The following HIBCH variants were observed in gnomAD, a reference collection of about 807,000 sequenced individuals.
The protein encoded by HIBCH is 3-hydroxyisobutyryl-CoA hydrolase.
A neutral mutation model predicts 58.2 loss-of-function variants in HIBCH; 50 were observed. That is an observed-to-expected ratio of 0.86 (90% CI 0.68 to 1.09). The LOEUF is 1.09. Ranked by LOEUF, HIBCH falls within the 50% of genes least tolerant of loss-of-function variation. The pLI is 0.00. For synonymous variants in HIBCH, 151 were observed against 146.9 expected (o/e 1.03, Z -0.20); for missense variants, 450 against 449.7 (o/e 1.00, Z -0.01).
intron 6 of HIBCH, among the ~76,000 whole-genome samples, chr2:190,273,502 G>A (rs559072822): frequency 5.9e-5 from 9 of 152,054 alleles, no homozygotes; most frequent in Non-Finnish European, 1.2e-4. Flanking sequence ...GAGATCTACC[G>A]CTCTCTATCA....
intron 4 of HIBCH, among the ~76,000 whole-genome samples, chr2:190,291,899 T>C (rs1687966568): frequency 6.6e-6 from 1 of 152,258 alleles, no homozygotes; most frequent in Non-Finnish European, 1.5e-5. Flanking sequence ...AAACATTTCA[T>C]AGATATGTTT....
intron 2 of HIBCH, among the ~76,000 whole-genome samples, chr2:190,303,640 TA>T (rs2124842842): frequency 6.6e-6 from 1 of 152,306 alleles, no homozygotes; most frequent in East Asian, 1.9e-4. Flanking sequence ...CGCAGAATTC[TA>T]AATGACATAT....
chr2:190,192,934 A>G (rs530931729), intron 1 of HIBCH, among the ~76,000 whole-genome samples: 2 of 152,172 alleles, frequency 1.3e-5, no homozygotes, highest in Non-Finnish European at 2.9e-5. Context: ...AATTTTCTCT[A>G]TACAATTTTG....
intron 1 of HIBCH, among the ~76,000 whole-genome samples, chr2:190,195,940 G>GTTTT (rs1559000757): frequency 2.9e-5 from 1 of 34,358 alleles, no homozygotes; most frequent in Admixed American, 3.0e-4. Context: ...ACTGTGTCCA[G>GTTTT]CTTTTTTTTT....
intron 6 of HIBCH, among the ~76,000 whole-genome samples, chr2:190,265,122 CAAAAAAAAAAAA>C (rs1167140474): frequency 5.3e-4 from 30 of 56,280 alleles, no homozygotes; most frequent in Admixed American, 1.2e-3. Context: ...GACTCCGTCT[CAAAAAAAAAAAA>C]AAAAAAAAAA....
chr2:190,238,527 T>TG, intron 11 of HIBCH, among the ~76,000 whole-genome samples: 2 of 152,222 alleles, frequency 1.3e-5, no homozygotes, highest in South Asian at 4.2e-4. Flanking sequence ...GGCAGTAGGG[T>TG]GATCTTGGCT....
intron 1 of HIBCH, among the ~76,000 whole-genome samples, chr2:190,196,752 T>C (rs1229195324): frequency 6.6e-6 from 1 of 152,192 alleles, no homozygotes; most frequent in Non-Finnish European, 1.5e-5. Context: ...GAAGCTTTAT[T>C]GGATATAGCC....
downstream of HIBCH, chr2:190,202,830 T>A (rs1223458435): frequency 6.0e-6 from 1 of 167,074 alleles, no homozygotes; most frequent in Non-Finnish European, 1.5e-5. Flanking sequence ...TTACAATGAC[T>A]CACTTAACCC....
intron 6 of HIBCH, among the ~76,000 whole-genome samples, chr2:190,265,851 G>T (rs529740168): frequency 9.9e-5 from 15 of 152,148 alleles, no homozygotes; most frequent in African/African-American, 3.1e-4. Context: ...ATAGGGATGT[G>T]CTATTTTTCA....
In HIBCH at chr2:190,312,874, G is replaced by A. The variant is rs186778046; in HGVS notation, c.36-2078C>T. ...AGCACTTTGGGAGGCCAAGGCAGGCGGATCACCTGAGGTCAGGAGTTTCAG... is the reference window on the plus strand; with the variant it reads ...AGCACTTTGGGAGGCCAAGGCAGGCAGATCACCTGAGGTCAGGAGTTTCAG... On this transcript the variant is annotated intron_variant, in intron 1 of 13. Coordinates refer to ENST00000359678, the MANE Select transcript of HIBCH (RefSeq NM_014362.4). 1.3e-3 allele frequency among the ~76,000 whole-genome samples: 198 copies of A among 152,264 alleles called. 1 individual carries two copies. Among genetic ancestry groups the A allele is most frequent in the Admixed American group, 4.1e-3 (63 of 15,306 alleles).
intron 11 of HIBCH, among the ~76,000 whole-genome samples, chr2:190,242,428 C>T (rs905966103): frequency 2.4e-4 from 37 of 152,130 alleles, no homozygotes; most frequent in Admixed American, 9.2e-4. Flanking sequence ...TCTGTCAATT[C>T]GTCAAACTCA....
At chr2:190,249,561 T>C in intron 9 of HIBCH, 79 bp downstream of exon 9, 1 of 773,126 alleles carries the variant, frequency 1.3e-6, no homozygotes, top group Admixed American at 2.1e-5. Flanking sequence ...CAAACTATAA[T>C]ATTCACCAAC....
intron 4 of HIBCH, among the ~76,000 whole-genome samples, chr2:190,294,130 A>C (rs291450): frequency 0.72 from 107,109 of 149,374 alleles, 38,961 homozygotes; most frequent in Non-Finnish European, 0.75. Flanking sequence ...AAGCATAGGA[A>C]AAGTTATGGA....
At chr2:190,196,365 CTTGTACAT>C (rs981666622) in intron 1 of HIBCH, among the ~76,000 whole-genome samples, 2 of 152,126 alleles carry the variant, frequency 1.3e-5, no homozygotes, top group African/African-American at 4.8e-5. Flanking sequence ...CATTTCACAT[CTTGTACAT>C]TTCAGTTACT....
intron 11 of HIBCH, among the ~76,000 whole-genome samples, chr2:190,232,795 A>G (rs1002582091): frequency 1.3e-5 from 2 of 152,144 alleles, no homozygotes; most frequent in South Asian, 2.1e-4. Flanking sequence ...CATCTCTACT[A>G]AAAGTACAAA....
At chr2:190,230,132 AGCTGTCTGT>A (rs748930109) in intron 11 of HIBCH, among the ~76,000 whole-genome samples, 4 of 152,168 alleles carry the variant, frequency 2.6e-5, no homozygotes, top group Admixed American at 6.5e-5. Flanking sequence ...CACTTTTGTA[AGCTGTCTGT>A]GCTGTCTGTG....
intron 2 of HIBCH, among the ~76,000 whole-genome samples, chr2:190,301,466 C>T (rs1005326270): frequency 6.6e-6 from 1 of 152,120 alleles, no homozygotes; most frequent in Non-Finnish European, 1.5e-5. Context: ...CAATCTCAAT[C>T]CCCAGAGGAG....
At chr2:190,313,185 T>C (rs1039611526) in intron 1 of HIBCH, among the ~76,000 whole-genome samples, 1 of 152,210 alleles carries the variant, frequency 6.6e-6, no homozygotes, top group Admixed American at 6.5e-5. Flanking sequence ...CTATCCTACG[T>C]AACTATTGGA....
At chr2:190,229,185 TCTAA>T (rs771905944) in intron 11 of HIBCH, among the ~76,000 whole-genome samples, 5 of 152,216 alleles carry the variant, frequency 3.3e-5, no homozygotes, top group East Asian at 1.9e-4. Flanking sequence ...AATACAGAAC[TCTAA>T]CTGTTTGGAA....
Sources: gnomAD v4.1 joint callset for allele counts (sites outside exome capture counted in the v4.1 genomes callset) on GRCh38, gnomAD v4.1.1 for gene constraint, MANE v1.5 for transcripts, NCBI Gene and HGNC (gene_info 2026-07-23, HGNC 2026-07-21) for gene names.